CEP85L: variants seen among roughly 807,000 people sequenced by gnomAD.
CEP85L encodes centrosomal protein of 85 kDa-like.
In CEP85L, 60 loss-of-function variants were observed where a neutral mutation model predicts 100.3. The ratio of observed to expected loss-of-function variants is 0.60; its 90% confidence interval spans 0.49 to 0.74. The LOEUF is 0.74. CEP85L is among the 30% of genes least tolerant of loss of function. The pLI is 0.00. For missense variants in CEP85L, 973 were observed against 936.2 expected, an observed-to-expected ratio of 1.04 and a Z score of -0.51; for synonymous variants, 319 against 322.7, an observed-to-expected ratio of 0.99 and a Z score of 0.12.
At chr6:118,574,769 C>T (rs982058138) in intron 2 of CEP85L, among the ~76,000 whole-genome samples, 1 of 152,176 alleles carries the variant, frequency 6.6e-6, no homozygotes, top group Non-Finnish European at 1.5e-5. Context: ...GTGGTGGGGA[C>T]ATCCTGGAGG....
intron 5 of CEP85L, chr6:118,501,922 A>G: frequency 1.9e-6 from 2 of 1,055,174 alleles, no homozygotes; most frequent in East Asian, 2.4e-5. Context: ...GTTTAAAAGC[A>G]GTAATTTAGA....
intron 2 of CEP85L, among the ~76,000 whole-genome samples, chr6:118,616,515 G>C (rs1773056218): frequency 6.6e-6 from 1 of 151,376 alleles, no homozygotes; most frequent in South Asian, 2.1e-4. Flanking sequence ...CTGGGTGACA[G>C]AGTGAGACTA....
intron 1 of CEP85L, among the ~76,000 whole-genome samples, chr6:118,646,215 TA>T (rs200303930): frequency 9.0e-4 from 136 of 151,756 alleles, no homozygotes; most frequent in African/African-American, 3.1e-3. Flanking sequence ...AGATTCTGTC[TA>T]AAAAAAAAGA....
chr6:118,586,887 G>A (rs962952137), intron 2 of CEP85L, among the ~76,000 whole-genome samples: 5 of 152,244 alleles, frequency 3.3e-5, no homozygotes, highest in Admixed American at 2.0e-4. Context: ...GCACCCTCAG[G>A]GTGGAATGTC....
chr6:118,658,482 C>T (rs1000175943), intron 1 of CEP85L, among the ~76,000 whole-genome samples: 5 of 151,980 alleles, frequency 3.3e-5, no homozygotes, highest in Admixed American at 2.6e-4. Flanking sequence ...TTTGTCCTGC[C>T]GTCCTTATAA....
intron 12 of CEP85L, among the ~76,000 whole-genome samples, chr6:118,467,139 C>T (rs1374886075): frequency 6.6e-6 from 1 of 152,008 alleles, no homozygotes; most frequent in Non-Finnish European, 1.5e-5. Context: ...GTCTGTGATG[C>T]ATTTGAAATA....
chr6:118,542,900 CAAAA>C (rs71012391), intron 3 of CEP85L, among the ~76,000 whole-genome samples: 26 of 67,168 alleles, frequency 3.9e-4, no homozygotes, highest in African/African-American at 1.0e-3. Flanking sequence ...CAAGTTTTCC[CAAAA>C]AAAAAAAAAA....
chr6:118,527,002 C>CTT (rs764883723), intron 3 of CEP85L, among the ~76,000 whole-genome samples: 4,807 of 98,614 alleles, frequency 0.049, 435 homozygotes, highest in African/African-American at 0.084. Flanking sequence ...TTTACTTTTT[C>CTT]TTTTTTTTTT....
At chr6:118,652,299 C>A (rs779405954), upstream of CEP85L, 3 of 677,582 alleles carry the variant, frequency 4.4e-6, no homozygotes, top group Non-Finnish European at 5.5e-6. Flanking sequence ...TCACGTTCTT[C>A]CTCTTCTTGG....
At chr6:118,594,180 T>C (rs1452958559) in intron 2 of CEP85L, among the ~76,000 whole-genome samples, 1 of 152,232 alleles carries the variant, frequency 6.6e-6, no homozygotes, top group Non-Finnish European at 1.5e-5. Context: ...GCAACAGACA[T>C]TCAATTAATA....
chr6:118,612,985 G>A (rs1016808372), intron 2 of CEP85L, among the ~76,000 whole-genome samples: 5 of 151,942 alleles, frequency 3.3e-5, no homozygotes, highest in Non-Finnish European at 5.9e-5. Context: ...TTGGGAGGTC[G>A]AGGCGGGCGG....
chr6:118,602,824 CT>C (rs780515256), intron 2 of CEP85L, among the ~76,000 whole-genome samples: 290 of 144,178 alleles, frequency 2.0e-3, no homozygotes, highest in Middle Eastern at 0.011. Flanking sequence ...TCAGATAAGA[CT>C]TTTTTTTTTT....
At chr6:118,571,278 T>C (rs1779871323) in intron 2 of CEP85L, among the ~76,000 whole-genome samples, 1 of 152,186 alleles carries the variant, frequency 6.6e-6, no homozygotes, top group Admixed American at 6.5e-5. Context: ...TTACTATCTA[T>C]CCCACATCTA....
intron 1 of CEP85L, among the ~76,000 whole-genome samples, chr6:118,672,586 T>C (rs1776341025): frequency 6.6e-6 from 1 of 152,054 alleles, no homozygotes; most frequent in Non-Finnish European, 1.5e-5. Context: ...GGCAACATGG[T>C]GAGACTTCAT....
intron 5 of CEP85L, among the ~76,000 whole-genome samples, chr6:118,504,262 C>CTACTTAA (rs1775500024): frequency 6.6e-6 from 1 of 151,924 alleles, no homozygotes; most frequent in South Asian, 2.1e-4. Flanking sequence ...GTAGTCCCAG[C>CTACTTAA]TACTTAGGAG....
chr6:118,555,084 C>G (rs992581538), intron 3 of CEP85L, among the ~76,000 whole-genome samples: 7 of 152,104 alleles, frequency 4.6e-5, no homozygotes, highest in African/African-American at 1.7e-4. Flanking sequence ...TAGGAATTAC[C>G]AAGTCTAATT....
At chr6:118,708,807 G>A (rs758258601) in intron 1 of CEP85L, among the ~76,000 whole-genome samples, 17 of 151,998 alleles carry the variant, frequency 1.1e-4, no homozygotes, top group Admixed American at 3.9e-4. Context: ...TTTTTCAGGC[G>A]AAAGAAAGAC....
intron 2 of CEP85L, among the ~76,000 whole-genome samples, chr6:118,621,311 C>T (rs904871936): frequency 1.3e-5 from 2 of 152,160 alleles, no homozygotes; most frequent in Non-Finnish European, 2.9e-5. Flanking sequence ...CCCTAAGCCC[C>T]GCTCTCTCAG....
intron 5 of CEP85L, among the ~76,000 whole-genome samples, chr6:118,497,137 C>T (rs1183162976): frequency 6.6e-6 from 1 of 152,192 alleles, no homozygotes; most frequent in Non-Finnish European, 1.5e-5. Flanking sequence ...TTTGTCCACA[C>T]TAGAAGAGAA....
Sources: allele counts gnomAD v4.1 joint callset (sites outside exome capture counted in the v4.1 genomes callset), GRCh38; gene constraint gnomAD v4.1.1; transcripts MANE v1.5; gene names NCBI Gene and HGNC (gene_info 2026-07-23, HGNC 2026-07-21).